Variants in RCBTB2 observed in about 807,000 individuals in gnomAD.
RCBTB2 encodes the protein RCC1 and BTB domain containing protein 2.
Under a neutral mutation model 65.4 loss-of-function variants are expected in RCBTB2, and 55 were observed. The ratio of observed to expected loss-of-function variants is 0.84; its 90% CI spans 0.68 to 1.05. The LOEUF is 1.05. Ranked by LOEUF, RCBTB2 falls within the 50% of genes least tolerant of loss-of-function variation. The probability of loss-of-function intolerance (pLI) is 0.00; values close to 1 mark genes in which losing one functional copy is unlikely to be tolerated. For synonymous variants in RCBTB2, 220 were observed against 255.2 expected (o/e 0.86, Z 1.31); for missense variants, 599 against 680.1 (o/e 0.88, Z 1.33).
chr13:48,504,150 T>C (rs915348574), intron 10 of RCBTB2: 2 of 984,654 alleles, frequency 2.0e-6, no homozygotes, highest in African/African-American at 1.7e-5. Flanking sequence ...GGGGGTCAGG[T>C]ACACCCCACA....
intron 2 of RCBTB2, among the ~76,000 whole-genome samples, chr13:48,524,066 T>C (rs1321485182): frequency 6.6e-6 from 1 of 152,128 alleles, no homozygotes; most frequent in Non-Finnish European, 1.5e-5. Flanking sequence ...TGTATAATAC[T>C]ATTAAAAAGT....
In RCBTB2 at chr13:48,515,317, C is replaced by A. The variant is rs1167803894; in HGVS notation, c.237G>T (p.Gly79=). 6.2e-7 allele frequency: 1 copy of A among 1,614,074 alleles called. No individual in the cohort carries two copies. The highest frequency in any genetic ancestry group is 8.5e-7 in the Non-Finnish European group (1 of 1,179,964). The change falls in exon 6 of 15, where the codon GGG becomes GGT. Residue 79 remains glycine, a synonymous_variant. Transcript: ENST00000344532. ...VLGTNCCGCL[G]LGDVQSTIEP... The stretch of plus-strand genomic sequence containing the variant: ...CAATGGTGCTCTGGACGTCACCTAA[C>A]CCCAAACAGCCACAGCAGTTTGTGC...
chr13:48,490,972 G>C (rs1949673140), intron 14 of RCBTB2, among the ~76,000 whole-genome samples: 8 of 152,188 alleles, frequency 5.3e-5, no homozygotes. Context: ...TTGAAAATCA[G>C]AATGAGGCTG....
At chr13:48,525,251 A>G (rs1951645685) in intron 1 of RCBTB2, among the ~76,000 whole-genome samples, 1 of 151,308 alleles carries the variant, frequency 6.6e-6, no homozygotes, top group Non-Finnish European at 1.5e-5. Context: ...ATGGGGGAAG[A>G]TATTTGTAAC....
chr13:48,502,982 G>A (rs145474851), intron 10 of RCBTB2, 68 bp from the exon 11 acceptor site: 57 of 1,425,734 alleles, frequency 4.0e-5, no homozygotes, highest in South Asian at 2.4e-4. Context: ...TCCTCCTCCC[G>A]CCAGGTTTAA....
chr13:48,506,953 C>G (rs763333964), intron 10 of RCBTB2, among the ~76,000 whole-genome samples: 1 of 152,226 alleles, frequency 6.6e-6, no homozygotes, highest in Non-Finnish European at 1.5e-5. Flanking sequence ...CCAAATAATG[C>G]GGTTCTTATG....
At chr13:48,530,417 G>A (rs1952048182) in intron 1 of RCBTB2, among the ~76,000 whole-genome samples, 1 of 152,142 alleles carries the variant, frequency 6.6e-6, no homozygotes, top group African/African-American at 2.4e-5. Context: ...AGGACATGAG[G>A]GGAAACACAC....
At chr13:48,493,225 T>A (rs972476990) in intron 14 of RCBTB2, among the ~76,000 whole-genome samples, 1 of 109,126 alleles carries the variant, frequency 9.2e-6, no homozygotes, top group East Asian at 2.5e-4. Flanking sequence ...GTACCCTCCT[T>A]CACACACACA....
chr13:48,493,723 CT>C (rs1483622616), intron 14 of RCBTB2, among the ~76,000 whole-genome samples: 4 of 152,086 alleles, frequency 2.6e-5, no homozygotes, highest in African/African-American at 9.7e-5. Context: ...AAAATTTCAA[CT>C]TTCATCTCAG....
upstream of RCBTB2, among the ~76,000 whole-genome samples, chr13:48,534,479 C>G (rs967455328): frequency 1.3e-5 from 2 of 152,222 alleles, no homozygotes; most frequent in African/African-American, 4.8e-5. Context: ...ATGGCAAGAT[C>G]TGTTTGCCTT....
chr13:48,533,484 G>C (rs1003093989), upstream of RCBTB2, among the ~76,000 whole-genome samples: 1 of 152,184 alleles, frequency 6.6e-6, no homozygotes. Context: ...GCCTGCCCCA[G>C]CTTTTCTTCT....
In RCBTB2 at chr13:48,532,091, G is replaced by A. The variant is rs1952164780; in HGVS notation, c.-219+937C>T. ...GGTACAAAGTAGCTCCATGAAATGCGTTTTGTTATAGTCCTGGTCTCGAAC... is the reference window on the plus strand; with the variant it reads ...GGTACAAAGTAGCTCCATGAAATGCATTTTGTTATAGTCCTGGTCTCGAAC... On this transcript the variant is annotated intron_variant, in intron 1 of 14. Coordinates refer to ENST00000344532, the MANE Select transcript of RCBTB2 (RefSeq NM_001268.4). The A allele has an allele frequency of 2.0e-5, 3 of 152,206 alleles. No individual in the cohort carries two copies. The South Asian group carries it at 6.2e-4, about 31-fold the overall frequency. 9.4% of individuals were successfully genotyped at this position (152,206 alleles called of 1,614,324 possible). A position where few individuals can be genotyped will look rare whatever the true frequency, so the allele number is the denominator to read the frequency against.
At chr13:48,502,649 T>A in intron 11 of RCBTB2, 75 bp downstream of exon 11, 1 of 1,409,280 alleles carries the variant, frequency 7.1e-7, no homozygotes, top group Non-Finnish European at 9.6e-7. Flanking sequence ...AACAAAATCC[T>A]CATTATCAAA....
chr13:48,515,090 T>G, intron 6 of RCBTB2, 115 bp downstream of exon 6: 1 of 931,656 alleles, frequency 1.1e-6, no homozygotes, highest in African/African-American at 1.7e-5. Flanking sequence ...TGTTTTATGG[T>G]ATCCAAAACA....
rs1566261386 is a variant in RCBTB2, at chr13:48,496,840, A to AGGGGAGAGGAGGG, written c.1385-520_1385-519insCCCTCCTCTCCCC. ...GGAGAGGAGGGGAGGGGAGAGGAGG[A>AGGGGAGAGGAGGG]GAGGGGAGAGGAGGGGAGGGGAGAC... On this transcript the variant is annotated intron_variant, in intron 13 of 14. Coordinates refer to ENST00000344532, the MANE Select transcript of RCBTB2 (RefSeq NM_001268.4). Among the ~76,000 whole-genome samples the AGGGGAGAGGAGGG allele has an allele frequency of 2.9e-3, 148 of 50,290 alleles. 9 individuals carry two copies. Among genetic ancestry groups the AGGGGAGAGGAGGG allele is most frequent in the African/African-American group, 0.011 (133 of 11,730 alleles). The allele number at this position is 50,290 out of a possible 152,430, so 33.0% of individuals were successfully genotyped here.
chr13:48,511,387 T>A (rs527396039), intron 9 of RCBTB2, among the ~76,000 whole-genome samples: 2 of 148,960 alleles, frequency 1.3e-5, no homozygotes, highest in East Asian at 3.9e-4. Context: ...TTACACCTAT[T>A]TTTTTTATTA....
Position 48,494,413 on chromosome 13 carries a change from AG to A in RCBTB2, c.1515+1777del, listed in dbSNP as rs909310714. Among the ~76,000 whole-genome samples, 33 of 152,356 alleles carry A rather than the reference AG, an allele frequency of 2.2e-4. 2 individuals carry two copies. Among genetic ancestry groups the A allele is most frequent in the African/African-American group, 7.9e-4 (33 of 41,578 alleles). On this transcript the variant is annotated intron_variant, in intron 14 of 14. Transcript: ENST00000344532. ...TTTAGGGTACAGCAATTAGCTGGAC[AG>A]GCTGTAGTACAACAGTGCATCTCTA...
intron 14 of RCBTB2, among the ~76,000 whole-genome samples, chr13:48,493,382 C>T (rs1260715150): frequency 2.0e-5 from 3 of 151,390 alleles, no homozygotes; most frequent in South Asian, 2.1e-4. Flanking sequence ...CCCTACCTCC[C>T]TCCCTCCCTC....
At chr13:48,501,350 T>C (rs1299581743) in intron 12 of RCBTB2, among the ~76,000 whole-genome samples, 1 of 152,206 alleles carries the variant, frequency 6.6e-6, no homozygotes, top group African/African-American at 2.4e-5. Context: ...TTAAACCATC[T>C]AAAAGTACGC....
Sources: gnomAD v4.1 joint callset for allele counts (sites outside exome capture counted in the v4.1 genomes callset) on GRCh38, gnomAD v4.1.1 for gene constraint, MANE v1.5 for transcripts, NCBI Gene and HGNC (gene_info 2026-07-23, HGNC 2026-07-21) for gene names.